ZDHHC3: variants seen among roughly 807,000 people sequenced by gnomAD.
ZDHHC3 encodes the protein zDHHC palmitoyltransferase 3.
ZDHHC3 carries 9 observed loss-of-function variants against 30.6 expected under a neutral mutation model. The ratio of observed to expected loss-of-function variants is 0.29; its 90% CI spans 0.18 to 0.51. The LOEUF (loss-of-function observed/expected upper bound fraction) is 0.51, where lower values mean the gene tolerates loss of function less well. ZDHHC3 is among the 20% of genes least tolerant of loss of function. ZDHHC3 has a pLI of 0.97. For missense variants in ZDHHC3, 246 were observed against 384.2 expected (o/e 0.64, Z 3.01); for synonymous variants, 136 against 140.2 (o/e 0.97, Z 0.21).
At position 44,929,326 on chromosome 3, in the gene ZDHHC3, A is replaced by G; in HGVS notation, c.721T>C (p.Ser241Pro). ...CTTACCGTCTCATCTGTGCAGATGG[A>G]GTGCACCTGGGTCCCAAACATCACT... is the stretch of plus-strand genomic sequence containing the variant. The part of the protein sequence containing the change: ...TSVMFGTQVH[S>P]ICTDETGIEQ... Residue 241 changes from serine to proline, a missense_variant, in exon 6 of 7, where the codon TCC (serine) becomes CCC (proline). Ser to Pro is a moderately conservative substitution (Grantham distance 74). Coordinates refer to ENST00000424952, the MANE Select transcript of ZDHHC3 (RefSeq NM_001135179.2). 1 of 1,614,042 alleles carries G rather than the reference A, an allele frequency of 6.2e-7. No homozygotes were observed. Among genetic ancestry groups the G allele is most frequent in the Non-Finnish European group, 8.5e-7 (1 of 1,179,966 alleles).
In ZDHHC3 at chr3:44,923,663, C is replaced by T. The variant is rs1700773081; in HGVS notation, c.*3026G>A. ...TTAAAAAACAAAAAAATTAGCCAGG[C>T]ATGGTAGTACGTGCCTGTAGCCCTG... On this transcript the variant is annotated 3_prime_UTR_variant, in exon 7 of 7. Coordinates refer to ENST00000424952, the MANE Select transcript of ZDHHC3 (RefSeq NM_001135179.2). The T allele has an allele frequency of 3.9e-6, 3 of 775,118 alleles. No homozygotes were observed. The highest frequency in any genetic ancestry group is 3.8e-5 in the African/African-American group (2 of 52,846). The allele number at this position is 775,118 out of a possible 1,614,324, so 48.0% of individuals were successfully genotyped here. A position where few individuals can be genotyped will look rare whatever the true frequency, so the allele number is the denominator to read the frequency against.
At chr3:44,965,463 C>T (rs771413434) in intron 1 of ZDHHC3, among the ~76,000 whole-genome samples, 38 of 152,196 alleles carry the variant, frequency 2.5e-4, no homozygotes, top group Non-Finnish European at 4.9e-4. Flanking sequence ...GGTGCTAATG[C>T]CAAGCTCTCA....
Position 44,920,459 on chromosome 3 carries a change from C to T in ZDHHC3, c.*6230G>A. 8.1e-7 allele frequency: 1 copy of T among 1,229,794 alleles called. No homozygotes were observed. Among genetic ancestry groups the T allele is most frequent in the South Asian group, 1.4e-5 (1 of 71,788 alleles). 76.2% of individuals were successfully genotyped at this position (1,229,794 alleles called of 1,614,324 possible). A position where few individuals can be genotyped will look rare whatever the true frequency, so the allele number is the denominator to read the frequency against. On this transcript the variant is annotated 3_prime_UTR_variant, in exon 7 of 7. Transcript: ENST00000424952. ...GGCTGCATCCACACTGACTTGGACT[C>T]AAAGCCATGACCATAGGTTTTTATG...
intron 2 of ZDHHC3, among the ~76,000 whole-genome samples, chr3:44,947,562 A>G (rs1703059323): frequency 6.6e-6 from 1 of 152,228 alleles, no homozygotes; most frequent in Non-Finnish European, 1.5e-5. Context: ...TGGTACTGCC[A>G]CAGATAAAGT....
intron 2 of ZDHHC3, among the ~76,000 whole-genome samples, chr3:44,949,661 A>G (rs572604383): frequency 2.0e-5 from 3 of 152,292 alleles, no homozygotes; most frequent in South Asian, 2.1e-4. Context: ...TCTCACCTTG[A>G]GACATCCAAC....
rs987780315 is a variant in ZDHHC3, at chr3:44,918,241, G to C, written c.*8448C>G. On this transcript the variant is annotated 3_prime_UTR_variant, in exon 7 of 7. Coordinates refer to ENST00000424952, the MANE Select transcript of ZDHHC3 (RefSeq NM_001135179.2). ...CTATAGCATAGCAGTGGCGGGGGGGGGGGCGGGGTGTCCACGGCATGGGTA... is the reference window on the plus strand; with the variant it reads ...CTATAGCATAGCAGTGGCGGGGGGGCGGGCGGGGTGTCCACGGCATGGGTA... 3.3e-5 allele frequency: 40 copies of C among 1,218,270 alleles called. No homozygotes were observed. The highest frequency in any genetic ancestry group is 1.3e-4 in the African/African-American group (8 of 63,772). 75.5% of individuals were successfully genotyped at this position (1,218,270 alleles called of 1,614,324 possible).
intron 5 of ZDHHC3, among the ~76,000 whole-genome samples, chr3:44,932,245 T>C (rs774750031): frequency 2.0e-5 from 3 of 152,068 alleles, no homozygotes; most frequent in African/African-American, 7.2e-5. Flanking sequence ...GTTCTGCACA[T>C]ACCCACTCAC....
chr3:44,948,038 A>C (rs902104804), intron 2 of ZDHHC3, among the ~76,000 whole-genome samples: 6 of 152,208 alleles, frequency 3.9e-5, no homozygotes, highest in Admixed American at 3.3e-4. Context: ...CCCCTGTGTC[A>C]GGTCTACTTC....
chr3:44,950,488 G>A (rs1299985347), intron 2 of ZDHHC3, among the ~76,000 whole-genome samples: 1 of 152,186 alleles, frequency 6.6e-6, no homozygotes, highest in South Asian at 2.1e-4. Flanking sequence ...ACCTTGAGTA[G>A]AGACATCATT....
At chr3:44,950,243 G>C (rs1703324101) in intron 2 of ZDHHC3, among the ~76,000 whole-genome samples, 1 of 152,226 alleles carries the variant, frequency 6.6e-6, no homozygotes, top group African/African-American at 2.4e-5. Flanking sequence ...AAGAGAAAAA[G>C]TGCAAAGGGA....
At chr3:44,948,704 A>G (rs905600432) in intron 2 of ZDHHC3, among the ~76,000 whole-genome samples, 11 of 152,230 alleles carry the variant, frequency 7.2e-5, no homozygotes, top group Non-Finnish European at 1.3e-4. Flanking sequence ...TAAGCAGGAG[A>G]GGAGCACCTG....
intron 2 of ZDHHC3, among the ~76,000 whole-genome samples, chr3:44,946,993 C>T (rs923755668): frequency 7.9e-5 from 12 of 152,096 alleles, no homozygotes; most frequent in African/African-American, 2.7e-4. Flanking sequence ...CCAGACACCA[C>T]GTAGGAGGTT....
In ZDHHC3 at chr3:44,959,559, C is replaced by T; in HGVS notation, c.-24-99G>A. On this transcript the variant is annotated intron_variant, in intron 1 of 6. Coordinates refer to ENST00000424952, the MANE Select transcript of ZDHHC3 (RefSeq NM_001135179.2). This position sits in a 1 kb window ranked among gnomAD's most constrained non-coding sequence, Gnocchi z 4.3. ...ATAGTGAGTTGTGATTACTTATCTG[C>T]AACCCCTGTGTGCAAAGCCACCTAA... 9.9e-7 allele frequency: 1 copy of T among 1,008,704 alleles called. No homozygotes were observed. Among genetic ancestry groups the T allele is most frequent in the South Asian group, 1.6e-5 (1 of 61,812 alleles). The allele number at this position is 1,008,704 out of a possible 1,614,324, so 62.5% of individuals were successfully genotyped here. A position where few individuals can be genotyped will look rare whatever the true frequency, so the allele number is the denominator to read the frequency against.
At chr3:44,933,746 G>A in intron 4 of ZDHHC3, 142 bp downstream of exon 4, 2 of 790,170 alleles carry the variant, frequency 2.5e-6, no homozygotes, top group East Asian at 4.9e-5. Flanking sequence ...TTGAGCCAGA[G>A]AGATCTTTGG....
At chr3:44,944,990 G>A (rs1183891584) in intron 3 of ZDHHC3, among the ~76,000 whole-genome samples, 178 bp downstream of exon 3, 2 of 152,224 alleles carry the variant, frequency 1.3e-5, no homozygotes, top group African/African-American at 4.8e-5. Flanking sequence ...GGCTCACAGG[G>A]ACCAGGAAGG....
At chr3:44,940,660 T>A (rs1056458924) in intron 3 of ZDHHC3, among the ~76,000 whole-genome samples, 1 of 152,216 alleles carries the variant, frequency 6.6e-6, no homozygotes, top group African/African-American at 2.4e-5. Context: ...TTGTCGTCAC[T>A]GTAGAAGAAG....
intron 1 of ZDHHC3, among the ~76,000 whole-genome samples, chr3:44,969,042 T>C (rs1410519907): frequency 2.6e-5 from 4 of 152,222 alleles, no homozygotes; most frequent in African/African-American, 9.7e-5. Context: ...TGCAGGAAGT[T>C]TGTAAGCCAG....
At position 44,922,599 on chromosome 3, in the gene ZDHHC3, A is replaced by G; in HGVS notation, c.*4090T>C. 11 of 985,418 alleles carry G rather than the reference A, an allele frequency of 1.1e-5. No individual in the cohort carries two copies. Among genetic ancestry groups the G allele is most frequent in the Non-Finnish European group, 1.3e-5 (11 of 829,922 alleles). The allele number at this position is 985,418 out of a possible 1,614,324, so 61.0% of individuals were successfully genotyped here. A position where few individuals can be genotyped will look rare whatever the true frequency, so the allele number is the denominator to read the frequency against. On this transcript the variant is annotated 3_prime_UTR_variant, in exon 7 of 7. Coordinates refer to ENST00000424952, the MANE Select transcript of ZDHHC3 (RefSeq NM_001135179.2). ...CCAACTGCACTATGCTGAGCCCAGC[A>G]GCACACAAGACCCATATCACCAGCA... is the stretch of plus-strand genomic sequence containing the variant.
At chr3:44,949,843 C>CTT (rs921169570) in intron 2 of ZDHHC3, among the ~76,000 whole-genome samples, 11 of 149,162 alleles carry the variant, frequency 7.4e-5, no homozygotes, top group African/African-American at 2.7e-4. Flanking sequence ...ATTATTTTTT[C>CTT]TTTTTTTTTT....
Sources: allele counts gnomAD v4.1 joint callset (sites outside exome capture counted in the v4.1 genomes callset), GRCh38; gene constraint gnomAD v4.1.1; non-coding constraint Gnocchi (gnomAD v3.1); transcripts MANE v1.5; gene names NCBI Gene and HGNC (gene_info 2026-07-23, HGNC 2026-07-21).